The following CACNA1I variants were observed in gnomAD, a reference collection of about 807,000 sequenced individuals.
The protein encoded by CACNA1I is calcium voltage-gated channel subunit alpha1 I.
Under a neutral mutation model 201.6 loss-of-function variants are expected in CACNA1I, and 74 were observed. That is an observed-to-expected ratio of 0.37 (90% CI 0.30 to 0.45). CACNA1I has a LOEUF of 0.45. Ranked by LOEUF, CACNA1I falls within the 20% of genes least tolerant of loss-of-function variation. The pLI, the probability that CACNA1I is intolerant of heterozygous loss-of-function variation, is 1.00. For synonymous variants in CACNA1I, 1,431 were observed against 1,345.2 expected (o/e 1.06, Z -1.40); for missense variants, 2,346 against 3,138.1 (o/e 0.75, Z 6.03).
intron 26 of CACNA1I, among the ~76,000 whole-genome samples, chr22:39,671,787 A>G (rs547099892): frequency 3.3e-5 from 5 of 152,368 alleles, no homozygotes; most frequent in Admixed American, 3.3e-4. Flanking sequence ...GCTTACATTT[A>G]CCAAGTATTA....
Position 39,670,253 on chromosome 22 carries a change from C to T in CACNA1I, c.4387+23C>T, listed in dbSNP as rs776803326. On this transcript the variant is annotated intron_variant, in intron 25 of 36. Transcript: ENST00000402142. ...GGAGTGAGTGGGTGCCTGTGGAGGG[C>T]GTGGGCCACCCAGCTCTAAGCCCTT... The T allele has an allele frequency of 2.1e-5, 34 of 1,604,632 alleles. No homozygotes were observed. The East Asian group carries it at 5.1e-4, about 24-fold the overall frequency.
intron 1 of CACNA1I, among the ~76,000 whole-genome samples, chr22:39,575,678 CCAGCAGGGCACCTCTGG>C (rs1188667967): frequency 6.6e-6 from 1 of 152,198 alleles, no homozygotes; most frequent in Non-Finnish European, 1.5e-5. Flanking sequence ...CCGGCATTCT[CCAGCAGGGCACCTCTGG>C]CAGCTATGGG....
intron 1 of CACNA1I, among the ~76,000 whole-genome samples, chr22:39,594,119 G>A (rs1195422587): frequency 6.6e-6 from 1 of 152,208 alleles, no homozygotes; most frequent in Non-Finnish European, 1.5e-5. Flanking sequence ...AGCAGGCCTG[G>A]TGTGAATCTC....
chr22:39,637,039 C>T (rs1809097962), intron 5 of CACNA1I, among the ~76,000 whole-genome samples: 1 of 152,228 alleles, frequency 6.6e-6, no homozygotes, highest in African/African-American at 2.4e-5. Context: ...TCCAGCCTCT[C>T]CCTGGCTGTG....
intron 3 of CACNA1I, among the ~76,000 whole-genome samples, chr22:39,611,294 A>C (rs1371459324): frequency 6.6e-6 from 1 of 152,194 alleles, no homozygotes; most frequent in Non-Finnish European, 1.5e-5. Flanking sequence ...AGTGTCAGAG[A>C]GATTGGTAGC....
intron 1 of CACNA1I, 50 bp from the exon 2 acceptor site, chr22:39,598,101 G>C: frequency 8.6e-7 from 1 of 1,161,192 alleles, no homozygotes. Flanking sequence ...GTGCACCCCA[G>C]CCCCCACGGG....
At chr22:39,601,699 G>A (rs1335036345) in intron 3 of CACNA1I, among the ~76,000 whole-genome samples, 2 of 151,934 alleles carry the variant, frequency 1.3e-5, no homozygotes, top group East Asian at 3.9e-4. Context: ...GGACAGTCAG[G>A]GTGTGAGAAT....
At chr22:39,667,130 G>A (rs1935223636) in intron 23 of CACNA1I, among the ~76,000 whole-genome samples, 1 of 152,218 alleles carries the variant, frequency 6.6e-6, no homozygotes, top group Non-Finnish European at 1.5e-5. Flanking sequence ...CCTCAGACAC[G>A]TGCCAGACCC....
rs1935736085 is a variant in CACNA1I, at chr22:39,682,555, C to T, written c.5724C>T (p.Pro1908=). The T allele has an allele frequency of 2.5e-6, 4 of 1,613,806 alleles. No homozygotes were observed. Among genetic ancestry groups the T allele is most frequent in the Non-Finnish European group, 3.4e-6 (4 of 1,179,872 alleles). ...GAGACCTGGGCGAATGCTTCTTCCC[C>T]TTGTCCTCTACGGCCGTCTCGCCGG... is the stretch of plus-strand genomic sequence containing the variant. ...RVGDLGECFF[P]LSSTAVSPDP... The change falls in exon 35 of 37, where the codon CCC becomes CCT. Residue 1908 remains proline (P), a synonymous_variant. Coordinates refer to ENST00000402142, the MANE Select transcript of CACNA1I (RefSeq NM_021096.4).
At chr22:39,587,255 A>G (rs1189645145) in intron 1 of CACNA1I, among the ~76,000 whole-genome samples, 6 of 152,170 alleles carry the variant, frequency 3.9e-5, no homozygotes, top group Non-Finnish European at 7.3e-5. Context: ...GCGTAGGAAC[A>G]AGGAAGGGCT....
Position 39,677,852 on chromosome 22 carries a change from T to C in CACNA1I, c.4934-135T>C, listed in dbSNP as rs913538100. On this transcript the variant is annotated intron_variant, in intron 30 of 36. Transcript: ENST00000402142. This position sits in a 1 kb window ranked among gnomAD's most constrained non-coding sequence, Gnocchi z 4.8. ...CCATCTCCCCGAGCCTCAGTTTATC[T>C]GTGGGCTGGGCACAGTCTGCAGGCC... The C allele has an allele frequency of 2.0e-6, 2 of 1,003,656 alleles. No individual in the cohort carries two copies. The highest frequency in any genetic ancestry group is 2.8e-6 in the Non-Finnish European group (2 of 705,904). 62.2% of individuals were successfully genotyped at this position (1,003,656 alleles called of 1,614,324 possible). A position where few individuals can be genotyped will look rare whatever the true frequency, so the allele number is the denominator to read the frequency against.
chr22:39,590,470 G>C (rs2145816061), intron 1 of CACNA1I, among the ~76,000 whole-genome samples: 1 of 152,360 alleles, frequency 6.6e-6, no homozygotes, highest in South Asian at 2.1e-4. Context: ...CGGGCTGCCG[G>C]CTGGGCTCAC....
rs751904410 is a variant in CACNA1I at position 39,679,357 on chromosome 22, C to T, written c.5306C>T (p.Pro1769Leu). Residue 1769 changes from proline (P) to leucine (L), a missense_variant, in exon 32 of 37, where the codon CCG becomes CTG. Physicochemically the swap from Pro to Leu is moderately conservative, Grantham distance 98 (BLOSUM62 -3). Transcript: ENST00000402142. ...GGCCCGAGGCTGCCTACCGGCTCCC[C>T]GGGCGCCCCTGGCCGAGGGCCGGGA... ...GPGPRLPTGS[P>L]GAPGRGPGGA... 5.3e-5 allele frequency: 82 copies of T among 1,537,794 alleles called. 1 individual carries two copies. The highest frequency in any genetic ancestry group is 1.9e-4 in the Middle Eastern group (1 of 5,322).
intron 4 of CACNA1I, among the ~76,000 whole-genome samples, chr22:39,630,487 C>T (rs1010156874): frequency 2.0e-5 from 3 of 152,148 alleles, no homozygotes; most frequent in African/African-American, 7.2e-5. Flanking sequence ...TGAGTGGCTC[C>T]ATTCACTCGC....
chr22:39,622,826 C>T (rs916495099), intron 4 of CACNA1I, among the ~76,000 whole-genome samples: 4 of 151,926 alleles, frequency 2.6e-5, no homozygotes, highest in African/African-American at 7.3e-5. Flanking sequence ...CAGAGGGCCA[C>T]GTCGCTCCTG....
chr22:39,644,529 C>T (rs2146423626), intron 7 of CACNA1I, among the ~76,000 whole-genome samples: 1 of 152,272 alleles, frequency 6.6e-6, no homozygotes, highest in South Asian at 2.1e-4. Flanking sequence ...TGAGTTTTTT[C>T]AGACACTGGG....
chr22:39,640,824 C>A, intron 5 of CACNA1I, 43 bp from the exon 6 acceptor site: 1 of 1,508,700 alleles, frequency 6.6e-7, no homozygotes, highest in Non-Finnish European at 9.0e-7. Flanking sequence ...CTGACAGTGA[C>A]CCCTCCCCTT....
intron 4 of CACNA1I, among the ~76,000 whole-genome samples, chr22:39,626,402 G>T (rs1351876971): frequency 1.3e-5 from 2 of 152,214 alleles, no homozygotes; most frequent in African/African-American, 4.8e-5. Context: ...CGTCTTCTCA[G>T]GGGCTGGTTT....
At chr22:39,608,343 A>G (rs948231849) in intron 3 of CACNA1I, among the ~76,000 whole-genome samples, 2 of 152,056 alleles carry the variant, frequency 1.3e-5, no homozygotes, top group Admixed American at 6.6e-5. Flanking sequence ...GTGTGTGTCA[A>G]TTGTTCCAGC....
Sources: allele counts gnomAD v4.1 joint callset (sites outside exome capture counted in the v4.1 genomes callset), GRCh38; gene constraint gnomAD v4.1.1; non-coding constraint Gnocchi (gnomAD v3.1); transcripts MANE v1.5; gene names NCBI Gene and HGNC (gene_info 2026-07-23, HGNC 2026-07-21).